Variants in HIBCH observed in about 807,000 individuals in gnomAD.
HIBCH encodes the protein 3-hydroxyisobutyryl-CoA hydrolase, mitochondrial.
A neutral mutation model predicts 58.2 loss-of-function variants in HIBCH; 50 were observed. That is an observed-to-expected ratio of 0.86 (90% CI 0.68 to 1.09). The LOEUF is 1.09. Ranked by LOEUF, HIBCH falls within the 50% of genes least tolerant of loss-of-function variation. HIBCH has a pLI of 0.00. For missense variants in HIBCH, 450 were observed against 449.7 expected, an observed-to-expected ratio of 1.00 and a Z score of -0.01; for synonymous variants, 151 against 146.9, an observed-to-expected ratio of 1.03 and a Z score of -0.20.
chr2:190,290,442 A>G lies in HIBCH; in HGVS notation c.348T>C (p.Val116=). The G allele has an allele frequency of 6.2e-7, 1 of 1,612,494 alleles. No homozygotes were observed. Reference sequence around the variant, plus strand: ...TCAGCATATATTCTTCTCTGAAGAAAACTGGAGCTATCTTCTGTTTTGCCT... The same window carrying G: ...TCAGCATATATTCTTCTCTGAAGAAGACTGGAGCTATCTTCTGTTTTGCCT... ...AEKAKQKIAP[V]FFREEYMLNN... is the part of the protein sequence containing the mutation. The change falls in exon 5 of 14, where the codon GTT becomes GTC. Residue 116 remains valine, a synonymous_variant. Transcript: ENST00000359678.
chr2:190,247,681 G>A (rs1002954035), intron 9 of HIBCH, among the ~76,000 whole-genome samples: 1 of 151,838 alleles, frequency 6.6e-6, no homozygotes, highest in Non-Finnish European at 1.5e-5. Context: ...ATTTTAATCT[G>A]TTCTGGGTTT....
chr2:190,191,045 G>A (rs1689685785), intron 1 of HIBCH, among the ~76,000 whole-genome samples: 1 of 152,150 alleles, frequency 6.6e-6, no homozygotes, highest in South Asian at 2.1e-4. Flanking sequence ...TGTTCAATCA[G>A]CATGCCTTTG....
At position 190,281,831 on chromosome 2, in the gene HIBCH, T is replaced by C. The variant is rs2582738; in HGVS notation, c.438+5755A>G. ...ATCTTCTTCCAGGCATTCTAATTCA[T>C]GGCTCTAAATTCCTGAATTCCATAA... On this transcript the variant is annotated intron_variant, in intron 6 of 13. Coordinates refer to ENST00000359678, the MANE Select transcript of HIBCH (RefSeq NM_014362.4). The surrounding 1 kb of genome is among the most constrained non-coding windows in gnomAD (Gnocchi z 5.4). Among the ~76,000 whole-genome samples, 110,071 of 152,070 alleles carry C rather than the reference T, an allele frequency of 0.72. 40,328 individuals carry two copies. Among genetic ancestry groups the C allele is most frequent in the Non-Finnish European group, 0.75 (51,184 of 68,002 alleles).
intron 8 of HIBCH, chr2:190,251,536 T>G (rs147296219): frequency 4.9e-5 from 22 of 448,700 alleles, no homozygotes; most frequent in African/African-American, 3.9e-4. Context: ...TTTCAACTAC[T>G]ATGTAATAGT....
At chr2:190,273,794 A>G (rs1361183833) in intron 6 of HIBCH, among the ~76,000 whole-genome samples, 1 of 152,158 alleles carries the variant, frequency 6.6e-6, no homozygotes, top group African/African-American at 2.4e-5. Flanking sequence ...AAATCTTAAT[A>G]AAATTATTTC....
chr2:190,256,184 A>T (rs1021597703), intron 7 of HIBCH, among the ~76,000 whole-genome samples: 3 of 152,124 alleles, frequency 2.0e-5, no homozygotes, highest in South Asian at 2.1e-4. Context: ...GATTACGGGG[A>T]TTACAATTCA....
downstream of HIBCH, chr2:190,199,983 AGTTAATGTCAAAGAGGAAGT>A (rs753885776): frequency 1.2e-6 from 2 of 1,614,172 alleles, no homozygotes; most frequent in Non-Finnish European, 1.7e-6. Flanking sequence ...TGGCTTCTCC[AGTTAATGTCAAAGAGGAAGT>A]GAAGGAACCT....
chr2:190,270,283 A>T (rs1299782452), intron 6 of HIBCH, among the ~76,000 whole-genome samples: 1 of 129,556 alleles, frequency 7.7e-6, no homozygotes, highest in African/African-American at 2.8e-5. Context: ...TTTTTTTTAA[A>T]AAAAAAGATA....
At chr2:190,200,071 T>G, downstream of HIBCH, 3 of 1,614,098 alleles carry the variant, frequency 1.9e-6, no homozygotes, top group Non-Finnish European at 2.5e-6. Context: ...GGATATCTTG[T>G]GTGATGCCTT....
At chr2:190,291,199 C>A (rs1687948126) in intron 4 of HIBCH, among the ~76,000 whole-genome samples, 1 of 152,022 alleles carries the variant, frequency 6.6e-6, no homozygotes, top group Non-Finnish European at 1.5e-5. Context: ...ACATTCATTT[C>A]CCCCATAAAA....
At chr2:190,202,871 G>A (rs560765552), downstream of HIBCH, 78 of 167,060 alleles carry the variant, frequency 4.7e-4, no homozygotes, top group Non-Finnish European at 7.5e-4. Context: ...GCCTTCCCCA[G>A]TTGTCGCTTA....
intron 6 of HIBCH, among the ~76,000 whole-genome samples, chr2:190,284,494 C>T (rs1457368594): frequency 3.9e-5 from 6 of 152,250 alleles, no homozygotes; most frequent in African/African-American, 1.4e-4. Context: ...GTCAACTAGA[C>T]CAAATAGTTA....
intron 2 of HIBCH, among the ~76,000 whole-genome samples, chr2:190,303,947 C>T (rs78314703): frequency 1.3e-5 from 2 of 152,100 alleles, no homozygotes; most frequent in African/African-American, 4.8e-5. Flanking sequence ...TTAACTCTAG[C>T]CTAATTATGA....
chr2:190,249,694 C>A lies in HIBCH; in HGVS notation c.696G>T (p.Leu232Phe). Reference sequence around the variant, plus strand: ...CAATATTTTCTTTTGAAGGAGATTTCAAGGCTAACAAATCTTCCTCTAACA... The same window carrying A: ...CAATATTTTCTTTTGAAGGAGATTTAAAGGCTAACAAATCTTCCTCTAACA... ...LAMLEEDLLA[L>F]KSPSKENIAS... The change falls in exon 9 of 14, where the codon TTG (leucine) becomes TTT (phenylalanine). Residue 232 changes from leucine (L) to phenylalanine (F), a missense_variant. Coordinates refer to ENST00000359678, the MANE Select transcript of HIBCH (RefSeq NM_014362.4). 6.2e-7 allele frequency: 1 copy of A among 1,609,526 alleles called. No homozygotes were observed. Among genetic ancestry groups the A allele is most frequent in the Non-Finnish European group, 8.5e-7 (1 of 1,176,220 alleles).
chr2:190,200,264 G>GATAATGTCACTATTAT, downstream of HIBCH: 1 of 808,578 alleles, frequency 1.2e-6, no homozygotes, highest in Non-Finnish European at 2.0e-6. Flanking sequence ...ATGTGTCTAC[G>GATAATGTCACTATTAT]ATAATGTCAC....
At chr2:190,223,014 C>T (rs1685768609) in intron 11 of HIBCH, among the ~76,000 whole-genome samples, 1 of 152,162 alleles carries the variant, frequency 6.6e-6, no homozygotes. Context: ...AGCAAACTAT[C>T]ACAAGATCAG....
intron 11 of HIBCH, among the ~76,000 whole-genome samples, chr2:190,235,184 G>C (rs1423401513): frequency 2.0e-5 from 3 of 152,166 alleles, no homozygotes; most frequent in Admixed American, 6.5e-5. Context: ...GTATTTATTG[G>C]GTAACAAGAG....
In HIBCH at chr2:190,208,897, T is replaced by G; in HGVS notation, c.1028A>C (p.His343Pro). 1 of 1,613,766 alleles carries G rather than the reference T, an allele frequency of 6.2e-7. No homozygotes were observed. The highest frequency in any genetic ancestry group is 8.5e-7 in the Non-Finnish European group (1 of 1,179,756). ...SQACMRGHDF[H>P]EGVRAVLIDK... is the part of the protein sequence containing the mutation. ...CCACTTACCAGCTCTAACGCCTTCA[T>G]GAAAGTCATGACCTCTCTGAAAGAA... The change falls in exon 13 of 14, where the codon CAT becomes CCT. Residue 343 changes from histidine to proline, a missense_variant. Coordinates refer to ENST00000359678, the MANE Select transcript of HIBCH (RefSeq NM_014362.4).
intron 11 of HIBCH, among the ~76,000 whole-genome samples, chr2:190,230,675 A>G (rs1686069907): frequency 6.6e-6 from 1 of 152,260 alleles, no homozygotes; most frequent in Admixed American, 6.5e-5. Context: ...AGCCTGGGCG[A>G]GAGAGCAAGA....
Sources: allele counts gnomAD v4.1 joint callset (sites outside exome capture counted in the v4.1 genomes callset), GRCh38; gene constraint gnomAD v4.1.1; non-coding constraint Gnocchi (gnomAD v3.1); transcripts MANE v1.5; gene names NCBI Gene and HGNC (gene_info 2026-07-23, HGNC 2026-07-21).